The following SPESP1 variants were observed in gnomAD, a reference collection of about 807,000 sequenced individuals.
SPESP1 encodes sperm equatorial segment protein 1.
A neutral mutation model predicts 3.1 loss-of-function variants in SPESP1; 1 was observed. The ratio of observed to expected loss-of-function variants is 0.33; its 90% CI spans 0.12 to 1.54. The LOEUF (loss-of-function observed/expected upper bound fraction) is 1.54. SPESP1 is among the 40% of genes most tolerant of loss of function. The probability of loss-of-function intolerance (pLI) is 0.38; values close to 1 mark genes in which losing one functional copy is unlikely to be tolerated. For synonymous variants in SPESP1, 138 were observed against 150.7 expected, an observed-to-expected ratio of 0.92 and a Z score of 0.62; for missense variants, 398 against 410.1, an observed-to-expected ratio of 0.97 and a Z score of 0.26.
chr15:68,937,117 A>T (rs1456518404), intron 1 of SPESP1, among the ~76,000 whole-genome samples: 1 of 152,200 alleles, frequency 6.6e-6, no homozygotes, highest in Non-Finnish European at 1.5e-5. Flanking sequence ...TTTTAAACAT[A>T]ACATGAAGTC....
chr15:68,938,646 AAC>A (rs1319124308), intron 1 of SPESP1, among the ~76,000 whole-genome samples: 1 of 152,206 alleles, frequency 6.6e-6, no homozygotes, highest in African/African-American at 2.4e-5. Flanking sequence ...TGTATTTTAA[AAC>A]AGAGTAGTAT....
At chr15:68,936,155 G>GT (rs1895675699) in intron 1 of SPESP1, among the ~76,000 whole-genome samples, 1 of 152,146 alleles carries the variant, frequency 6.6e-6, no homozygotes, top group South Asian at 2.1e-4. Flanking sequence ...GGATGCTTGG[G>GT]TATATGTTTA....
chr15:68,937,893 C>T (rs549055525), intron 1 of SPESP1, among the ~76,000 whole-genome samples: 1 of 152,206 alleles, frequency 6.6e-6, no homozygotes, highest in South Asian at 2.1e-4. Context: ...TCTCTTCCTC[C>T]TTTAATTGGT....
intron 1 of SPESP1, among the ~76,000 whole-genome samples, chr15:68,933,680 G>A (rs997333024): frequency 3.3e-5 from 5 of 151,628 alleles, no homozygotes; most frequent in Non-Finnish European, 5.9e-5. Context: ...GCAACATGGC[G>A]AAACCCCGTC....
At chr15:68,937,045 A>G (rs189591073) in intron 1 of SPESP1, among the ~76,000 whole-genome samples, 8 of 152,324 alleles carry the variant, frequency 5.3e-5, no homozygotes, top group Admixed American at 4.6e-4. Flanking sequence ...CTCTGTAATA[A>G]TTATTGGACA....
intron 1 of SPESP1, among the ~76,000 whole-genome samples, chr15:68,939,502 T>C (rs1387158538): frequency 6.6e-6 from 1 of 152,192 alleles, no homozygotes; most frequent in Admixed American, 6.5e-5. Context: ...TACAAACATT[T>C]TTATAAAGAT....
chr15:68,932,764 A>G (rs1428262942), intron 1 of SPESP1, among the ~76,000 whole-genome samples: 2 of 152,164 alleles, frequency 1.3e-5, no homozygotes, highest in Non-Finnish European at 1.5e-5. Context: ...TAGGAAATGA[A>G]AAGACGCTTC....
At chr15:68,935,427 C>T (rs1236328887) in intron 1 of SPESP1, among the ~76,000 whole-genome samples, 2 of 152,196 alleles carry the variant, frequency 1.3e-5, no homozygotes, top group Non-Finnish European at 2.9e-5. Context: ...TCCCAGATGG[C>T]CTCTCATCCT....
intron 1 of SPESP1, among the ~76,000 whole-genome samples, chr15:68,941,636 C>T (rs1895826632): frequency 6.6e-6 from 1 of 152,074 alleles, no homozygotes; most frequent in Non-Finnish European, 1.5e-5. Flanking sequence ...GTGTCTATCT[C>T]TTATAAGAAC....
chr15:68,945,826 A>G lies in SPESP1; in HGVS notation c.292A>G (p.Thr98Ala), dbSNP rs1567066112. 4 of 1,614,146 alleles carry G rather than the reference A, an allele frequency of 2.5e-6. No individual in the cohort carries two copies. The highest frequency in any genetic ancestry group is 2.5e-6 in the Non-Finnish European group (3 of 1,180,020). ...DVLTNPISEE[T>A]TTFPTGGFTP... ...TTTAACCAATCCTATCAGTGAAGAA[A>G]CTACAACTTTCCCTACAGGAGGCTT... The change falls in exon 2 of 2, where the codon ACT becomes GCT. Residue 98 changes from threonine (T) to alanine (A), a missense_variant. Thr to Ala is a moderately conservative substitution (Grantham distance 58). Coordinates refer to ENST00000310673, the MANE Select transcript of SPESP1 (RefSeq NM_145658.4).
rs191280972 is a variant in SPESP1 at position 68,937,215 on chromosome 15, C to T, written c.64+6498C>T. On this transcript the variant is annotated intron_variant, in intron 1 of 1. Coordinates refer to ENST00000310673, the MANE Select transcript of SPESP1 (RefSeq NM_145658.4). Reference sequence around the variant, plus strand: ...AATTACTAGAAGTGCAATTAATTTACATACCTTCCAGCATTCTGTTCATTC... The same window carrying T: ...AATTACTAGAAGTGCAATTAATTTATATACCTTCCAGCATTCTGTTCATTC... Among the ~76,000 whole-genome samples the T allele has an allele frequency of 3.2e-4, 48 of 152,270 alleles. 2 individuals carry two copies. Among genetic ancestry groups the T allele is most frequent in the African/African-American group, 1.1e-3 (47 of 41,564 alleles).
chr15:68,944,577 A>G (rs1197348172), intron 1 of SPESP1, among the ~76,000 whole-genome samples: 5 of 152,144 alleles, frequency 3.3e-5, no homozygotes. Context: ...GCGGTTCATG[A>G]AGTAGAACTA....
chr15:68,945,230 C>G (rs1476922233), intron 1 of SPESP1, among the ~76,000 whole-genome samples: 2 of 152,134 alleles, frequency 1.3e-5, no homozygotes, highest in East Asian at 1.9e-4. Context: ...ACAATGGGCT[C>G]TAGTCAACCA....
chr15:68,935,482 A>G (rs1213874409), intron 1 of SPESP1, among the ~76,000 whole-genome samples: 1 of 152,190 alleles, frequency 6.6e-6, no homozygotes, highest in Non-Finnish European at 1.5e-5. Flanking sequence ...CTCTAGCCCA[A>G]GTTTCTTTAC....
At position 68,946,268 on chromosome 15, in the gene SPESP1, C is replaced by T; in HGVS notation, c.734C>T (p.Thr245Ile). 1 of 1,614,038 alleles carries T rather than the reference C, an allele frequency of 6.2e-7. No homozygotes were observed. Among genetic ancestry groups the T allele is most frequent in the Non-Finnish European group, 8.5e-7 (1 of 1,180,010 alleles). Residue 245 changes from threonine (T) to isoleucine (I), a missense_variant, in exon 2 of 2, where the codon ACC becomes ATC. Transcript: ENST00000310673. ...SQVQQALLSD[T>I]SNPAYREDIE... ...GTGCAACAGGCACTTCTTAGTGACA[C>T]CAGCAACCCAGCATATAGAGAAGAT...
intron 1 of SPESP1, among the ~76,000 whole-genome samples, chr15:68,934,147 T>C (rs903666565): frequency 1.3e-5 from 2 of 152,100 alleles, no homozygotes; most frequent in African/African-American, 2.4e-5. Context: ...CTCTAGATCA[T>C]CTCTTGGTAT....
Position 68,945,622 on chromosome 15 carries a change from G to A in SPESP1, c.88G>A (p.Glu30Lys). Reference protein sequence around the residue: ...YPSITVTPDEEQNLNHYIQVL... With the variant: ...YPSITVTPDEKQNLNHYIQVL... Reference sequence around the variant, plus strand: ...AGGCATAACTGTGACACCTGATGAAGAGCAAAACTTGAATCATTATATACA... The same window carrying A: ...AGGCATAACTGTGACACCTGATGAAAAGCAAAACTTGAATCATTATATACA... The change falls in exon 2 of 2, where the codon GAG (glutamate) becomes AAG (lysine). Residue 30 changes from glutamate (E) to lysine (K), a missense_variant. Transcript: ENST00000310673. 1 of 1,580,644 alleles carries A rather than the reference G, an allele frequency of 6.3e-7. No individual in the cohort carries two copies. Among genetic ancestry groups the A allele is most frequent in the South Asian group, 1.2e-5 (1 of 83,046 alleles).
chr15:68,944,639 A>G (rs1303447092), intron 1 of SPESP1, among the ~76,000 whole-genome samples: 1 of 152,124 alleles, frequency 6.6e-6, no homozygotes, highest in African/African-American at 2.4e-5. Context: ...GGAACTCACA[A>G]ACTTTTTCTG....
chr15:68,931,715 G>T (rs1004110090), intron 1 of SPESP1, among the ~76,000 whole-genome samples: 5 of 152,172 alleles, frequency 3.3e-5, no homozygotes, highest in Admixed American at 3.3e-4. Context: ...AAATTCAGGG[G>T]TGCTAAGACT....
Sources: gnomAD v4.1 joint callset for allele counts (sites outside exome capture counted in the v4.1 genomes callset) on GRCh38, gnomAD v4.1.1 for gene constraint, MANE v1.5 for transcripts, NCBI Gene and HGNC (gene_info 2026-07-23, HGNC 2026-07-21) for gene names.